COQ8A: variants seen among roughly 807,000 people sequenced by gnomAD.
COQ8A encodes the protein coenzyme Q8A.
Under a neutral mutation model 65.0 loss-of-function variants are expected in COQ8A, and 51 were observed. The ratio of observed to expected loss-of-function variants is 0.78; its 90% CI spans 0.63 to 0.99. The LOEUF is 0.99. Ranked by LOEUF, COQ8A falls within the 50% of genes least tolerant of loss-of-function variation. COQ8A has a pLI of 0.00. For missense variants in COQ8A, 940 were observed against 875.0 expected, an observed-to-expected ratio of 1.07 and a Z score of -0.94; for synonymous variants, 371 against 353.2, an observed-to-expected ratio of 1.05 and a Z score of -0.57.
chr1:226,940,908 G>C (rs959405960), intron 1 of COQ8A, among the ~76,000 whole-genome samples: 5 of 152,214 alleles, frequency 3.3e-5, no homozygotes, highest in African/African-American at 1.2e-4. Context: ...GGCTTCGCAG[G>C]TGGGAATTTT....
intron 4 of COQ8A, among the ~76,000 whole-genome samples, chr1:226,971,009 C>T (rs777535558): frequency 5.3e-5 from 8 of 151,944 alleles, no homozygotes; most frequent in Non-Finnish European, 1.0e-4. Flanking sequence ...GGCGTGATCT[C>T]GACTCACTGC....
At chr1:226,959,133 A>G (rs1487653696) in intron 1 of COQ8A, among the ~76,000 whole-genome samples, 1 of 152,208 alleles carries the variant, frequency 6.6e-6, no homozygotes, top group Non-Finnish European at 1.5e-5. Context: ...TAGGATTTTA[A>G]GACCTAAGTT....
intron 1 of COQ8A, among the ~76,000 whole-genome samples, chr1:226,948,872 C>T (rs1457875908): frequency 1.3e-5 from 2 of 152,114 alleles, no homozygotes; most frequent in Admixed American, 1.3e-4. Context: ...GAATCAAGGG[C>T]CTGAATAGGA....
At chr1:226,984,488 T>A (rs1229488430) in intron 11 of COQ8A, 60 bp from the exon 12 acceptor site, 1 of 1,453,988 alleles carries the variant, frequency 6.9e-7, no homozygotes, top group Non-Finnish European at 9.7e-7. Flanking sequence ...CTGGCCCCAG[T>A]CTCCCAGGGC....
At chr1:226,964,861 C>G in intron 2 of COQ8A, 139 bp from the exon 3 acceptor site, 2 of 970,392 alleles carry the variant, frequency 2.1e-6, no homozygotes, top group Non-Finnish European at 3.1e-6. Flanking sequence ...TGCCGGGCCT[C>G]AGGTGCAGCA....
At chr1:226,945,120 ACTCCAG>A (rs917241331) in intron 1 of COQ8A, among the ~76,000 whole-genome samples, 106 of 152,240 alleles carry the variant, frequency 7.0e-4, no homozygotes, top group African/African-American at 2.4e-3. Context: ...GACTTTCTGC[ACTCCAG>A]GGATGCATGG....
At position 226,986,688 on chromosome 1, in the gene COQ8A, T is replaced by C. The variant is rs772188310; in HGVS notation, c.1895T>C (p.Met632Thr). The stretch of plus-strand genomic sequence containing the variant: ...AAGGCCCGCTTCCCCTGCAAGGCCA[T>C]GTTCGAGGAGGCCTACAGCAACTAC... ...KLKARFPCKA[M>T]FEEAYSNYCK... is the part of the protein sequence containing the mutation. Residue 632 changes from methionine to threonine, a missense_variant, in exon 15 of 15, where the codon ATG becomes ACG. Physicochemically the swap from Met to Thr is moderately conservative, Grantham distance 81. Transcript: ENST00000366777. 1.3e-5 allele frequency: 21 copies of C among 1,613,982 alleles called. No individual in the cohort carries two copies. Among genetic ancestry groups the C allele is most frequent in the Non-Finnish European group, 1.4e-5 (16 of 1,180,044 alleles).
chr1:226,981,614 G>A (rs1659694502), intron 5 of COQ8A, among the ~76,000 whole-genome samples: 1 of 152,222 alleles, frequency 6.6e-6, no homozygotes, highest in South Asian at 2.1e-4. Context: ...CCCTGGGTGG[G>A]GGTGCACAGG....
intron 5 of COQ8A, among the ~76,000 whole-genome samples, chr1:226,979,843 C>T (rs759435974): frequency 6.6e-6 from 1 of 152,186 alleles, no homozygotes; most frequent in African/African-American, 2.4e-5. Flanking sequence ...CTGACACTCT[C>T]TGGGAAATGA....
chr1:226,978,084 C>T (rs1303034219), intron 5 of COQ8A, among the ~76,000 whole-genome samples: 1 of 150,864 alleles, frequency 6.6e-6, no homozygotes, highest in Non-Finnish European at 1.5e-5. Flanking sequence ...TACCCCTGCA[C>T]ACCCACCGAA....
rs1177995475 is a variant in COQ8A at position 226,946,109 on chromosome 1, G to A, written c.-10+5710G>A. On this transcript the variant is annotated intron_variant, in intron 1 of 14. Coordinates refer to ENST00000366777, the MANE Select transcript of COQ8A (RefSeq NM_020247.5). This position sits in a 1 kb window ranked among gnomAD's most constrained non-coding sequence, Gnocchi z 5.3. The stretch of plus-strand genomic sequence containing the variant: ...ATAATGCTAATAAACTCGTGTGTAT[G>A]AGGACAGTGCCAGACCCCGTTGGGG... Among the ~76,000 whole-genome samples, 1 of 152,178 alleles carries A rather than the reference G, an allele frequency of 6.6e-6. No homozygotes were observed. The highest frequency in any genetic ancestry group is 2.4e-5 in the African/African-American group (1 of 41,444).
chr1:226,957,550 A>G (rs908467759), intron 1 of COQ8A, among the ~76,000 whole-genome samples: 1 of 152,064 alleles, frequency 6.6e-6, no homozygotes, highest in Non-Finnish European at 1.5e-5. Flanking sequence ...GCTGTCATAG[A>G]GGAGATGAGT....
At position 226,984,157 on chromosome 1, in the gene COQ8A, A is replaced by G; in HGVS notation, c.1320A>G (p.Pro440=). ...VPEIVDELCS[P]HVLTTELVSG... is the part of the protein sequence containing the mutation. The stretch of plus-strand genomic sequence containing the variant: ...AGATTGTGGATGAGCTCTGCAGCCC[A>G]CATGTGCTGACCACAGAGCTGGTGT... Residue 440 remains proline, a synonymous_variant, in exon 11 of 15, where the codon CCA becomes CCG. Transcript: ENST00000366777. 2 of 1,613,816 alleles carry G rather than the reference A, an allele frequency of 1.2e-6. No individual in the cohort carries two copies. Among genetic ancestry groups the G allele is most frequent in the Non-Finnish European group, 1.7e-6 (2 of 1,179,988 alleles).
chr1:226,960,150 G>GTGGTGGTGGTACTTGGTGT (rs1658071010), intron 1 of COQ8A, among the ~76,000 whole-genome samples: 1 of 144,496 alleles, frequency 6.9e-6, no homozygotes, highest in African/African-American at 2.6e-5. Flanking sequence ...GTACTTGGTG[G>GTGGTGGTGGTACTTGGTGT]TAGTGGTGGT....
chr1:226,969,258 A>T (rs1658743519), intron 4 of COQ8A, among the ~76,000 whole-genome samples: 1 of 152,152 alleles, frequency 6.6e-6, no homozygotes. Context: ...CTTGTGCTTT[A>T]TATGGTTTGA....
intron 5 of COQ8A, among the ~76,000 whole-genome samples, chr1:226,979,039 G>A (rs1182179263): frequency 6.6e-6 from 1 of 152,166 alleles, no homozygotes; most frequent in South Asian, 2.1e-4. Context: ...GCCGGGTCAG[G>A]TGTGGCTGGG....
At chr1:226,956,783 C>G (rs1657797408) in intron 1 of COQ8A, among the ~76,000 whole-genome samples, 6 of 125,936 alleles carry the variant, frequency 4.8e-5, no homozygotes, top group Admixed American at 1.5e-4. Context: ...CTCCCTGGCT[C>G]CCACTCTCCC....
intron 1 of COQ8A, among the ~76,000 whole-genome samples, chr1:226,953,090 C>T (rs1222887785): frequency 6.6e-6 from 1 of 152,148 alleles, no homozygotes; most frequent in East Asian, 1.9e-4. Flanking sequence ...AGTGCAGTGG[C>T]ATGATCTTGG....
At chr1:226,971,478 G>A (rs981982582) in intron 4 of COQ8A, among the ~76,000 whole-genome samples, 1 of 152,000 alleles carries the variant, frequency 6.6e-6, no homozygotes, top group Non-Finnish European at 1.5e-5. Flanking sequence ...CTTGAACTGG[G>A]GAGGTGGAGG....
Sources: gnomAD v4.1 joint callset for allele counts (sites outside exome capture counted in the v4.1 genomes callset) on GRCh38, gnomAD v4.1.1 for gene constraint, Gnocchi (gnomAD v3.1) non-coding constraint, MANE v1.5 for transcripts, NCBI Gene and HGNC (gene_info 2026-07-23, HGNC 2026-07-21) for gene names.